The following MARCHF1 variants were observed in gnomAD, a reference collection of about 807,000 sequenced individuals.
MARCHF1 encodes E3 ubiquitin-protein ligase MARCHF1.
A neutral mutation model predicts 54.2 loss-of-function variants in MARCHF1; 40 were observed. The ratio of observed to expected loss-of-function variants is 0.74; its 90% CI spans 0.57 to 0.96. The LOEUF (loss-of-function observed/expected upper bound fraction) is 0.96, where lower values mean the gene tolerates loss of function less well. Among genes scored for constraint, MARCHF1 ranks in the 40% least tolerant of loss-of-function variants. The pLI, the probability that MARCHF1 is intolerant of heterozygous loss-of-function variation, is 0.00. For missense variants in MARCHF1, 586 were observed against 656.5 expected, an observed-to-expected ratio of 0.89 and a Z score of 1.17; for synonymous variants, 236 against 236.3, an observed-to-expected ratio of 1.00 and a Z score of 0.01.
chr4:164,303,741 C>T (rs1453745324), intron 1 of MARCHF1, among the ~76,000 whole-genome samples: 1 of 17,506 alleles, frequency 5.7e-5, no homozygotes, highest in Non-Finnish European at 9.4e-5. Context: ...CCCCAATCAC[C>T]CATCGCCTCC....
intron 3 of MARCHF1, among the ~76,000 whole-genome samples, chr4:163,961,319 A>G (rs1752342427): frequency 1.3e-5 from 2 of 151,990 alleles, no homozygotes; most frequent in South Asian, 4.1e-4. Flanking sequence ...CTGAGCATTA[A>G]TAGTCCTAGA....
At chr4:163,550,196 C>T (rs555981583) in intron 8 of MARCHF1, among the ~76,000 whole-genome samples, 1 of 149,290 alleles carries the variant, frequency 6.7e-6, no homozygotes, top group Non-Finnish European at 1.5e-5. Flanking sequence ...GCAAGAGAAT[C>T]GCTTCAACCC....
intron 1 of MARCHF1, among the ~76,000 whole-genome samples, chr4:164,138,106 A>G (rs1239273386): frequency 6.6e-6 from 1 of 152,148 alleles, no homozygotes; most frequent in Non-Finnish European, 1.5e-5. Flanking sequence ...AGCTGTTGGG[A>G]GGAGTGAGAG....
chr4:163,754,528 G>A (rs1175523105), intron 4 of MARCHF1, among the ~76,000 whole-genome samples: 2 of 152,160 alleles, frequency 1.3e-5, no homozygotes, highest in South Asian at 2.1e-4. Context: ...TATGACCTCC[G>A]TAATAATGAA....
At chr4:164,109,912 T>TAAAAACAAAA (rs1755795719) in intron 2 of MARCHF1, among the ~76,000 whole-genome samples, 1 of 63,156 alleles carries the variant, frequency 1.6e-5, no homozygotes, top group Non-Finnish European at 2.7e-5. Context: ...AAAATAAAAG[T>TAAAAACAAAA]AAAAAAAAAA....
chr4:164,045,385 G>A (rs1001857645), intron 2 of MARCHF1, among the ~76,000 whole-genome samples: 2 of 151,892 alleles, frequency 1.3e-5, no homozygotes, highest in Admixed American at 1.3e-4. Context: ...GGTGGTAGTT[G>A]TCTGTAATCC....
rs370158484 is a variant in MARCHF1 at position 163,549,285 on chromosome 4, G to A, written c.1192-3542C>T. ...ATTGCCTTGTCAGTGATGAAGTAAA[G>A]TTTCTTTTGCTTATTGCTTGGGCCT... On this transcript the variant is annotated intron_variant, in intron 8 of 9. Transcript: ENST00000514618. 3.9e-3 allele frequency among the ~76,000 whole-genome samples: 588 copies of A among 151,948 alleles called. 4 individuals are homozygous for A. Among genetic ancestry groups the A allele is most frequent in the Middle Eastern group, 6.8e-3 (2 of 294 alleles).
At chr4:163,619,786 T>C (rs1383586886) in intron 5 of MARCHF1, among the ~76,000 whole-genome samples, 2 of 151,756 alleles carry the variant, frequency 1.3e-5, no homozygotes, top group African/African-American at 2.4e-5. Context: ...AAAAGACCCA[T>C]CAAAGTATGA....
intron 7 of MARCHF1, among the ~76,000 whole-genome samples, chr4:163,597,678 C>T (rs1280723557): frequency 6.6e-6 from 1 of 152,048 alleles, no homozygotes; most frequent in African/African-American, 2.4e-5. Context: ...AATTCTACTT[C>T]ACTTTTTTTC....
intron 1 of MARCHF1, among the ~76,000 whole-genome samples, chr4:164,304,262 A>T (rs887061683): frequency 6.6e-6 from 1 of 152,242 alleles, no homozygotes; most frequent in Non-Finnish European, 1.5e-5. Context: ...GTTACAGGGG[A>T]AAAACACAAA....
chr4:164,049,375 G>A (rs1362868269), intron 2 of MARCHF1, among the ~76,000 whole-genome samples: 2 of 152,078 alleles, frequency 1.3e-5, no homozygotes, highest in Admixed American at 6.5e-5. Context: ...GATGAGATTT[G>A]GGTGGGGACA....
chr4:163,648,580 A>T (rs1028838542), intron 5 of MARCHF1, among the ~76,000 whole-genome samples: 1 of 148,344 alleles, frequency 6.7e-6, no homozygotes, highest in African/African-American at 2.5e-5. Context: ...CCCCCATTCT[A>T]TAGCAGGGGT....
At chr4:164,129,438 T>G (rs1233100446) in intron 1 of MARCHF1, among the ~76,000 whole-genome samples, 2 of 151,716 alleles carry the variant, frequency 1.3e-5, no homozygotes, top group Non-Finnish European at 2.9e-5. Flanking sequence ...CTATTCTATG[T>G]GGCTACAGTT....
intron 5 of MARCHF1, among the ~76,000 whole-genome samples, chr4:163,663,906 T>C (rs1001928862): frequency 6.6e-6 from 1 of 151,850 alleles, no homozygotes; most frequent in Non-Finnish European, 1.5e-5. Context: ...AACACAGTTA[T>C]GTCAAAGCTT....
chr4:163,537,075 T>G (rs1423195899), intron 9 of MARCHF1, among the ~76,000 whole-genome samples: 1 of 152,214 alleles, frequency 6.6e-6, no homozygotes, highest in African/African-American at 2.4e-5. Context: ...CAGCTCTTTT[T>G]CTTGCCTTCA....
At chr4:164,004,848 C>A (rs1049518616) in intron 2 of MARCHF1, among the ~76,000 whole-genome samples, 4 of 151,532 alleles carry the variant, frequency 2.6e-5, no homozygotes, top group African/African-American at 9.7e-5. Flanking sequence ...TAAATAAGTG[C>A]TCCAGAAGAA....
intron 1 of MARCHF1, among the ~76,000 whole-genome samples, chr4:164,258,164 C>T (rs963843611): frequency 2.0e-5 from 3 of 151,962 alleles, no homozygotes; most frequent in African/African-American, 4.8e-5. Flanking sequence ...AACCAAACCC[C>T]GCATGTTCTC....
chr4:163,527,636 T>G lies in MARCHF1; in HGVS notation c.*1112A>C, dbSNP rs72701138. On this transcript the variant is annotated 3_prime_UTR_variant, in exon 10 of 10. Coordinates refer to ENST00000514618, the MANE Select transcript of MARCHF1 (RefSeq NM_001394959.1). Reference sequence around the variant, plus strand: ...TTTTAAAAATCATAACTAACTTTTGTGACTTTGAAATAAAAGAATGAATTA... The same window carrying G: ...TTTTAAAAATCATAACTAACTTTTGGGACTTTGAAATAAAAGAATGAATTA... 609 of 151,674 alleles carry G rather than the reference T, an allele frequency of 4.0e-3. 4 individuals are homozygous for G. The highest frequency in any genetic ancestry group is 0.014 in the African/African-American group (572 of 41,394). The allele number at this position is 151,674 out of a possible 1,614,324, so 9.4% of individuals were successfully genotyped here.
chr4:163,963,349 A>G (rs1376944548), intron 3 of MARCHF1, among the ~76,000 whole-genome samples: 2 of 151,904 alleles, frequency 1.3e-5, no homozygotes, highest in Non-Finnish European at 2.9e-5. Context: ...CTTTCTCGGC[A>G]GACCATATTG....
Sources: gnomAD v4.1 joint callset for allele counts (sites outside exome capture counted in the v4.1 genomes callset) on GRCh38, gnomAD v4.1.1 for gene constraint, MANE v1.5 for transcripts, NCBI Gene and HGNC (gene_info 2026-07-23, HGNC 2026-07-21) for gene names.